The following ZNF493 variants were observed in gnomAD, a reference collection of about 807,000 sequenced individuals.
The protein encoded by ZNF493 is zinc finger protein 493.
ZNF493 carries 11 observed loss-of-function variants against 12.2 expected under a neutral mutation model. The ratio of observed to expected loss-of-function variants is 0.90; its 90% CI spans 0.57 to 1.50. The LOEUF (loss-of-function observed/expected upper bound fraction) is 1.50. Among genes scored for constraint, ZNF493 ranks in the 40% most tolerant of loss-of-function variants. The pLI is 0.00. For missense variants in ZNF493, 950 were observed against 906.6 expected (o/e 1.05, Z -0.61); for synonymous variants, 286 against 302.6 (o/e 0.95, Z 0.57).
In ZNF493 at chr19:21,423,244, A is replaced by C; in HGVS notation, c.585A>C (p.Leu195Phe). The change falls in exon 4 of 4, where the codon TTA becomes TTC. Residue 195 changes from leucine to phenylalanine, a missense_variant. By Grantham distance (22) the Leu-to-Phe change is conservative. Coordinates refer to ENST00000392288, the MANE Select transcript of ZNF493 (RefSeq NM_001076678.3). ...KKCGKSFCML[L>F]HLCQHKRIHI... ...GTGGCAAATCATTTTGCATGCTTTT[A>C]CACCTATGTCAGCATAAAAGAATTC... The C allele has an allele frequency of 6.2e-7, 1 of 1,613,892 alleles. No homozygotes were observed. The highest frequency in any genetic ancestry group is 8.5e-7 in the Non-Finnish European group (1 of 1,179,882).
chr19:21,409,955 A>G (rs917674961), intron 3 of ZNF493, among the ~76,000 whole-genome samples: 9 of 151,878 alleles, frequency 5.9e-5, no homozygotes, highest in African/African-American at 1.9e-4. Context: ...ATCATACAGT[A>G]TTCATCATTT....
At chr19:21,417,838 G>C (rs1255491864) in intron 3 of ZNF493, among the ~76,000 whole-genome samples, 1 of 152,206 alleles carries the variant, frequency 6.6e-6, no homozygotes, top group Non-Finnish European at 1.5e-5. Flanking sequence ...GCTCAAGTAA[G>C]AGCATCCCAG....
At position 21,426,813 on chromosome 19, in the gene ZNF493, C is replaced by G. The variant is rs767068922; in HGVS notation, c.*1829C>G. ...TTTATAGTAGAAATATATGAGGAAG[C>G]GACACTTCGAATATTCTACTAAATG... is the stretch of plus-strand genomic sequence containing the variant. On this transcript the variant is annotated 3_prime_UTR_variant, in exon 4 of 4. Coordinates refer to ENST00000392288, the MANE Select transcript of ZNF493 (RefSeq NM_001076678.3). 6.0e-6 allele frequency: 1 copy of G among 166,670 alleles called. No individual in the cohort carries two copies. Among genetic ancestry groups the G allele is most frequent in the Admixed American group, 6.6e-5 (1 of 15,240 alleles). 10.3% of individuals were successfully genotyped at this position (166,670 alleles called of 1,614,324 possible). A position where few individuals can be genotyped will look rare whatever the true frequency, so the allele number is the denominator to read the frequency against.
intron 3 of ZNF493, among the ~76,000 whole-genome samples, chr19:21,421,338 A>AT (rs969548101): frequency 1.3e-4 from 20 of 151,678 alleles, no homozygotes; most frequent in Non-Finnish European, 2.4e-4. Flanking sequence ...AATTTATTTC[A>AT]TTTTTTATTG....
At chr19:21,404,606 A>T (rs2650845) in intron 1 of ZNF493, among the ~76,000 whole-genome samples, 110,391 of 152,062 alleles carry the variant, frequency 0.73, 40,099 homozygotes, top group Middle Eastern at 0.77. Flanking sequence ...AAAACACAGG[A>T]TCTTCCACTT....
chr19:21,421,997 C>T (rs1276252151), intron 3 of ZNF493, among the ~76,000 whole-genome samples: 1 of 152,176 alleles, frequency 6.6e-6, no homozygotes, highest in Non-Finnish European at 1.5e-5. Flanking sequence ...AGATAAGTGC[C>T]ACCATGCCCA....
chr19:21,419,927 C>G (rs532010561), intron 3 of ZNF493, among the ~76,000 whole-genome samples: 1 of 152,234 alleles, frequency 6.6e-6, no homozygotes, highest in South Asian at 2.1e-4. Flanking sequence ...GGTGCCAACC[C>G]CCACATGATT....
chr19:21,419,425 C>A (rs773842603), intron 3 of ZNF493, among the ~76,000 whole-genome samples: 1 of 152,102 alleles, frequency 6.6e-6, no homozygotes, highest in Non-Finnish European at 1.5e-5. Context: ...ATCACAAGGT[C>A]CCACAACAGG....
chr19:21,402,639 A>G (rs1345153751), intron 1 of ZNF493, among the ~76,000 whole-genome samples: 2 of 152,198 alleles, frequency 1.3e-5, no homozygotes, highest in Non-Finnish European at 2.9e-5. Flanking sequence ...ATGAAAACCA[A>G]CAAAATGCAT....
intron 3 of ZNF493, among the ~76,000 whole-genome samples, chr19:21,410,611 T>C (rs924133349): frequency 4.6e-5 from 7 of 152,164 alleles, no homozygotes; most frequent in Non-Finnish European, 7.4e-5. Context: ...CTATCACATA[T>C]GATTTTTGAA....
At chr19:21,408,165 C>T (rs887819364) in intron 3 of ZNF493, 6 of 956,788 alleles carry the variant, frequency 6.3e-6, no homozygotes, top group Non-Finnish European at 7.4e-6. Flanking sequence ...CTCGCTCTGT[C>T]GCCTGGCTGG....
In ZNF493 at chr19:21,425,694, T is replaced by C; in HGVS notation, c.*710T>C. On this transcript the variant is annotated 3_prime_UTR_variant, in exon 4 of 4. Transcript: ENST00000392288. Reference sequence around the variant, plus strand: ...TCATGCTGGAGAGAAACCCTACAAATGTGAAAAATGTGGCAAAGCTTTTAA... The same window carrying C: ...TCATGCTGGAGAGAAACCCTACAAACGTGAAAAATGTGGCAAAGCTTTTAA... 1 of 740,076 alleles carries C rather than the reference T, an allele frequency of 1.4e-6. No homozygotes were observed. The highest frequency in any genetic ancestry group is 2.3e-6 in the Non-Finnish European group (1 of 437,950). 45.8% of individuals were successfully genotyped at this position (740,076 alleles called of 1,614,324 possible). A position where few individuals can be genotyped will look rare whatever the true frequency, so the allele number is the denominator to read the frequency against.
At position 21,423,429 on chromosome 19, in the gene ZNF493, G is replaced by T. The variant is rs142910830; in HGVS notation, c.770G>T (p.Arg257Ile). The T allele has an allele frequency of 0.014, 22,288 of 1,613,586 alleles. 183 individuals are homozygous for T. The highest frequency in any genetic ancestry group is 0.021 in the Middle Eastern group (130 of 6,054). Reference protein sequence around the residue: ...NQDSNLTTHKRIHTGQKPYKC... With the variant: ...NQDSNLTTHKIIHTGQKPYKC... ...GACTCAAACCTTACTACACATAAGA[G>T]AATTCATACTGGACAGAAACCCTAC... Residue 257 changes from arginine to isoleucine, a missense_variant, in exon 4 of 4, where the codon AGA becomes ATA. Coordinates refer to ENST00000392288, the MANE Select transcript of ZNF493 (RefSeq NM_001076678.3).
intron 1 of ZNF493, among the ~76,000 whole-genome samples, chr19:21,404,660 C>T (rs539768106): frequency 6.6e-6 from 1 of 152,294 alleles, no homozygotes; most frequent in East Asian, 1.9e-4. Context: ...AACACATTGG[C>T]ATTACTAGTG....
rs867143173 is a variant in ZNF493, at chr19:21,409,982, G to C, written c.253+4126G>C. On this transcript the variant is annotated intron_variant, in intron 3 of 3. Transcript: ENST00000392288. ...TCATCATTTTGTTTCTGGCATATAG[G>C]TGACATAATATTTGCAAAGTTTATC... Among the ~76,000 whole-genome samples, 4 of 150,148 alleles carry C rather than the reference G, an allele frequency of 2.7e-5. No individual in the cohort carries two copies. The South Asian group carries it at 6.3e-4, about 24-fold the overall frequency.
rs2145319311 is a variant in ZNF493 at position 21,426,899 on chromosome 19, TAAG to T, written c.*1917_*1919del. 6.0e-6 allele frequency: 1 copy of T among 167,126 alleles called. No homozygotes were observed. The highest frequency in any genetic ancestry group is 3.4e-3 in the Middle Eastern group (1 of 296). The allele number at this position is 167,126 out of a possible 1,614,324, so 10.4% of individuals were successfully genotyped here. A position where few individuals can be genotyped will look rare whatever the true frequency, so the allele number is the denominator to read the frequency against. On this transcript the variant is annotated 3_prime_UTR_variant, in exon 4 of 4. Transcript: ENST00000392288. Reference sequence around the variant, plus strand: ...TAGAAAAATTATTTGTATATAATGTTAAGAGGAGTAAAAGATTTTTTGTAGAAT... The same window carrying T: ...TAGAAAAATTATTTGTATATAATGTTAGGAGTAAAAGATTTTTTGTAGAAT...
rs141102066 is a variant in ZNF493 at position 21,423,209 on chromosome 19, T to C, written c.550T>C (p.Cys184Arg). The change falls in exon 4 of 4, where the codon TGT becomes CGT. Residue 184 changes from cysteine to arginine, a missense_variant. Coordinates refer to ENST00000392288, the MANE Select transcript of ZNF493 (RefSeq NM_001076678.3). Reference sequence around the variant, plus strand: ...ACATACTGGAAAGAAACCTTTCAAATGTAAAAAATGTGGCAAATCATTTTG... The same window carrying C: ...ACATACTGGAAAGAAACCTTTCAAACGTAAAAAATGTGGCAAATCATTTTG... ...TKHTGKKPFKCKKCGKSFCML... is the reference protein window; with the variant it reads ...TKHTGKKPFKRKKCGKSFCML... 6.2e-7 allele frequency: 1 copy of C among 1,613,798 alleles called. No individual in the cohort carries two copies. Among genetic ancestry groups the C allele is most frequent in the East Asian group, 2.2e-5 (1 of 44,808 alleles).
chr19:21,398,828 CT>C (rs2145258107), intron 1 of ZNF493: 1 of 166,708 alleles, frequency 6.0e-6, no homozygotes, highest in African/African-American at 2.4e-5. Context: ...TTTCTGCCCC[CT>C]GGATTCTCTA....
chr19:21,406,864 C>T (rs1047440789), intron 3 of ZNF493, among the ~76,000 whole-genome samples: 1 of 151,800 alleles, frequency 6.6e-6, no homozygotes, highest in Non-Finnish European at 1.5e-5. Context: ...TTTGCTGAAT[C>T]TATAGATTAC....
Sources: gnomAD v4.1 joint callset for allele counts (sites outside exome capture counted in the v4.1 genomes callset) on GRCh38, gnomAD v4.1.1 for gene constraint, MANE v1.5 for transcripts, NCBI Gene and HGNC (gene_info 2026-07-23, HGNC 2026-07-21) for gene names.